AGBL4: variants seen among roughly 807,000 people sequenced by gnomAD.
AGBL4 encodes AGBL carboxypeptidase 4.
A neutral mutation model predicts 66.4 loss-of-function variants in AGBL4; 58 were observed. That is an observed-to-expected ratio of 0.87 (90% confidence interval 0.71 to 1.09). AGBL4 has a LOEUF of 1.09. AGBL4 is among the 50% of genes least tolerant of loss of function. The pLI is 0.00. For synonymous variants in AGBL4, 234 were observed against 222.9 expected (o/e 1.05, Z -0.44); for missense variants, 579 against 631.0 (o/e 0.92, Z 0.88).
At chr1:48,772,530 A>G (rs1283938521) in intron 6 of AGBL4, among the ~76,000 whole-genome samples, 1 of 152,170 alleles carries the variant, frequency 6.6e-6, no homozygotes, top group East Asian at 1.9e-4. Flanking sequence ...GTCTCAGGGA[A>G]AGGGGAAGAG....
chr1:49,485,986 G>T (rs1647057888), intron 3 of AGBL4, among the ~76,000 whole-genome samples: 1 of 151,960 alleles, frequency 6.6e-6, no homozygotes, highest in African/African-American at 2.4e-5. Flanking sequence ...TGGATTGCTT[G>T]TAACACAAAG....
intron 5 of AGBL4, among the ~76,000 whole-genome samples, chr1:48,908,993 C>T (rs1489307219): frequency 1.3e-5 from 2 of 151,434 alleles, no homozygotes; most frequent in African/African-American, 2.4e-5. Context: ...ATGCTGTTGC[C>T]TTGTTTGGTT....
chr1:49,257,003 C>T (rs1652561235), intron 3 of AGBL4, among the ~76,000 whole-genome samples: 2 of 150,850 alleles, frequency 1.3e-5, no homozygotes, highest in South Asian at 4.2e-4. Flanking sequence ...CAAAGCAAAA[C>T]ACAGCAGATT....
At chr1:49,626,700 C>A (rs1645469951) in intron 3 of AGBL4, among the ~76,000 whole-genome samples, 1 of 151,804 alleles carries the variant, frequency 6.6e-6, no homozygotes, top group Admixed American at 6.6e-5. Context: ...CACAGGTTGG[C>A]CAATCAGAGG....
intron 4 of AGBL4, among the ~76,000 whole-genome samples, chr1:49,225,022 T>A (rs559690862): frequency 6.6e-6 from 1 of 152,190 alleles, no homozygotes; most frequent in African/African-American, 2.4e-5. Flanking sequence ...GGGAAAGTTA[T>A]TAAAAGGAAA....
intron 5 of AGBL4, among the ~76,000 whole-genome samples, chr1:48,897,807 T>TTA (rs1491513479): frequency 0.14 from 2,800 of 20,650 alleles, 84 homozygotes; most frequent in African/African-American, 0.17. Flanking sequence ...TTTTGCCCAC[T>TTA]TTTTTTTTTT....
chr1:49,218,098 CT>C (rs1649223130), intron 4 of AGBL4, among the ~76,000 whole-genome samples: 1 of 152,106 alleles, frequency 6.6e-6, no homozygotes, highest in African/African-American at 2.4e-5. Flanking sequence ...GTATTTTCAT[CT>C]TCATGTCATC....
At chr1:48,754,460 T>C (rs1652218824) in intron 6 of AGBL4, among the ~76,000 whole-genome samples, 1 of 152,156 alleles carries the variant, frequency 6.6e-6, no homozygotes, top group Non-Finnish European at 1.5e-5. Flanking sequence ...CTGAATAAAA[T>C]AAATAATGAA....
At chr1:48,842,673 A>C (rs1040441525) in intron 6 of AGBL4, among the ~76,000 whole-genome samples, 1 of 152,214 alleles carries the variant, frequency 6.6e-6, no homozygotes, top group African/African-American at 2.4e-5. Flanking sequence ...CTGACTATTT[A>C]GTCAAAAAGA....
intron 2 of AGBL4, chr1:49,845,025 G>A: frequency 7.0e-7 from 1 of 1,437,496 alleles, no homozygotes; most frequent in South Asian, 1.3e-5. Context: ...GAAAAAGGGA[G>A]AAGCCAGACC....
At chr1:49,088,572 C>T (rs533702739) in intron 4 of AGBL4, among the ~76,000 whole-genome samples, 1 of 152,172 alleles carries the variant, frequency 6.6e-6, no homozygotes, top group African/African-American at 2.4e-5. Flanking sequence ...AATATGTACA[C>T]CCAACACAGG....
chr1:48,756,617 T>G (rs1643943567), intron 6 of AGBL4, among the ~76,000 whole-genome samples: 1 of 152,322 alleles, frequency 6.6e-6, no homozygotes, highest in South Asian at 2.1e-4. Flanking sequence ...GAAGTTGGGA[T>G]TTGAATCCAA....
intron 3 of AGBL4, among the ~76,000 whole-genome samples, chr1:49,562,935 T>C (rs1329726202): frequency 9.2e-5 from 14 of 152,082 alleles, no homozygotes; most frequent in African/African-American, 2.7e-4. Flanking sequence ...TTCTTCCTAC[T>C]CATGAGCATG....
At chr1:48,951,184 G>A (rs879114917) in intron 5 of AGBL4, among the ~76,000 whole-genome samples, 7 of 152,120 alleles carry the variant, frequency 4.6e-5, no homozygotes, top group East Asian at 1.9e-4. Flanking sequence ...GAAAGGACCA[G>A]TCAGTCCATG....
intron 3 of AGBL4, among the ~76,000 whole-genome samples, chr1:49,285,717 C>T (rs1194305751): frequency 1.3e-5 from 2 of 152,148 alleles, no homozygotes; most frequent in South Asian, 2.1e-4. Flanking sequence ...GAAATACAGA[C>T]TACCATCAGA....
chr1:49,322,819 A>C (rs1645154969), intron 3 of AGBL4, among the ~76,000 whole-genome samples: 1 of 152,212 alleles, frequency 6.6e-6, no homozygotes, highest in African/African-American at 2.4e-5. Flanking sequence ...CCTGGTTTGT[A>C]GTAATTTGTT....
At chr1:49,988,128 T>C (rs1290370343) in intron 1 of AGBL4, among the ~76,000 whole-genome samples, 1 of 152,112 alleles carries the variant, frequency 6.6e-6, no homozygotes, top group Non-Finnish European at 1.5e-5. Flanking sequence ...TATAAATATA[T>C]TAAGAGAAAA....
chr1:49,919,604 G>A (rs1651978750), intron 1 of AGBL4, among the ~76,000 whole-genome samples: 1 of 152,156 alleles, frequency 6.6e-6, no homozygotes, highest in Non-Finnish European at 1.5e-5. Flanking sequence ...CAAACAAATG[G>A]AAGAACATTC....
chr1:48,867,877 A>G (rs1648267264), intron 5 of AGBL4, among the ~76,000 whole-genome samples: 1 of 152,218 alleles, frequency 6.6e-6, no homozygotes, highest in Non-Finnish European at 1.5e-5. Context: ...GAGGCAGCTT[A>G]TGTTTGGAAG....
Sources: allele counts gnomAD v4.1 joint callset (sites outside exome capture counted in the v4.1 genomes callset), GRCh38; gene constraint gnomAD v4.1.1; transcripts MANE v1.5; gene names NCBI Gene and HGNC (gene_info 2026-07-23, HGNC 2026-07-21).